The following TRAPPC9 variants were observed in gnomAD, a reference collection of about 807,000 sequenced individuals.
The protein encoded by TRAPPC9 is trafficking protein particle complex subunit 9, also known as IKK2 binding protein.
TRAPPC9 carries 83 observed loss-of-function variants against 124.0 expected under a neutral mutation model. The observed-to-expected ratio is 0.67, with a 90% CI of 0.56 to 0.80. The LOEUF is 0.80. Among genes scored for constraint, TRAPPC9 ranks in the 30% least tolerant of loss-of-function variants. TRAPPC9 has a pLI of 0.00. For synonymous variants in TRAPPC9, 638 were observed against 617.5 expected (o/e 1.03, Z -0.49); for missense variants, 1,302 against 1,508.3 (o/e 0.86, Z 2.27).
chr8:140,057,648 G>A (rs937309213), intron 17 of TRAPPC9, among the ~76,000 whole-genome samples: 2 of 152,208 alleles, frequency 1.3e-5, no homozygotes, highest in Admixed American at 6.5e-5. Flanking sequence ...CATAGATGCA[G>A]GAAGTCACAT....
intron 9 of TRAPPC9, among the ~76,000 whole-genome samples, chr8:140,326,622 TC>T (rs931217084): frequency 5.3e-5 from 8 of 152,196 alleles, no homozygotes; most frequent in African/African-American, 1.9e-4. Flanking sequence ...ACGCCTGTAA[TC>T]CCTGCACTTT....
At chr8:140,170,909 C>T (rs1183454939) in intron 17 of TRAPPC9, among the ~76,000 whole-genome samples, 2 of 152,172 alleles carry the variant, frequency 1.3e-5, no homozygotes, top group Non-Finnish European at 2.9e-5. Flanking sequence ...GTGACTGGGT[C>T]GTGAAGAGGT....
chr8:140,038,944 C>A (rs762174529), intron 17 of TRAPPC9, among the ~76,000 whole-genome samples: 12 of 152,186 alleles, frequency 7.9e-5, no homozygotes, highest in Admixed American at 2.0e-4. Context: ...CACCCTCGTA[C>A]CTGGAACTCA....
At chr8:139,756,454 G>A (rs144891517) in intron 21 of TRAPPC9, among the ~76,000 whole-genome samples, 2,830 of 84,570 alleles carry the variant, frequency 0.033, no homozygotes, top group Non-Finnish European at 0.05. Flanking sequence ...ACAGCAGGTC[G>A]CAGAAGGAGC....
intron 15 of TRAPPC9, among the ~76,000 whole-genome samples, chr8:140,270,675 G>A (rs1421313989): frequency 6.6e-6 from 1 of 152,204 alleles, no homozygotes; most frequent in African/African-American, 2.4e-5. Context: ...AGCCAAGCCA[G>A]AGCCCAGAGG....
chr8:139,733,595 T>C (rs1479446749), intron 21 of TRAPPC9, among the ~76,000 whole-genome samples: 1 of 152,168 alleles, frequency 6.6e-6, no homozygotes, highest in Non-Finnish European at 1.5e-5. Context: ...CTGAGCCCCA[T>C]GGTCTGCCGT....
Position 140,145,719 on chromosome 8 carries a change from G to GT in TRAPPC9, c.2556+75739dup, listed in dbSNP as rs201237776. On this transcript the variant is annotated intron_variant, in intron 17 of 22. Transcript: ENST00000438773. Reference sequence around the variant, plus strand: ...TTGGGGGGTTTTTGTTTTTGTTTTTGTTTTTTTTTAGTATGCTAAAATCCT... The same window carrying GT: ...TTGGGGGGTTTTTGTTTTTGTTTTTGTTTTTTTTTTAGTATGCTAAAATCCT... Among the ~76,000 whole-genome samples, 876 of 149,748 alleles carry GT rather than the reference G, an allele frequency of 5.8e-3. 6 individuals are homozygous for GT. Among genetic ancestry groups the GT allele is most frequent in the Middle Eastern group, 0.018 (5 of 284 alleles).
chr8:139,754,211 C>G (rs943125313), intron 21 of TRAPPC9, among the ~76,000 whole-genome samples: 1 of 152,250 alleles, frequency 6.6e-6, no homozygotes, highest in African/African-American at 2.4e-5. Context: ...TCTCCAGACC[C>G]TGCTTTCCTT....
chr8:140,145,599 C>T (rs1281664477), intron 17 of TRAPPC9, among the ~76,000 whole-genome samples: 1 of 152,174 alleles, frequency 6.6e-6, no homozygotes, highest in East Asian at 1.9e-4. Context: ...GCTGTAGAAC[C>T]ATCTTTGCAC....
rs924705210 is a variant in TRAPPC9 at position 140,182,046 on chromosome 8, C to G, written c.2556+39413G>C. 1.3e-5 allele frequency among the ~76,000 whole-genome samples: 2 copies of G among 152,138 alleles called. No homozygotes were observed. Among genetic ancestry groups the G allele is most frequent in the Non-Finnish European group, 2.9e-5 (2 of 68,038 alleles). Reference sequence around the variant, plus strand: ...AGGGAAGCCCTTCATGACTCAGTACCAGGGAGCTGCAGCCTGAACTCCCTT... The same window carrying G: ...AGGGAAGCCCTTCATGACTCAGTACGAGGGAGCTGCAGCCTGAACTCCCTT... On this transcript the variant is annotated intron_variant, in intron 17 of 22. Coordinates refer to ENST00000438773, the MANE Select transcript of TRAPPC9 (RefSeq NM_001160372.4). This position sits in a 1 kb window ranked among gnomAD's most constrained non-coding sequence, Gnocchi z 4.0.
At chr8:139,997,255 A>C (rs1036422440) in intron 18 of TRAPPC9, among the ~76,000 whole-genome samples, 3 of 152,022 alleles carry the variant, frequency 2.0e-5, no homozygotes, top group Admixed American at 6.5e-5. Flanking sequence ...AGGGGAGACA[A>C]TGCAACCCTC....
intron 14 of TRAPPC9, among the ~76,000 whole-genome samples, chr8:140,278,665 G>A (rs2065203636): frequency 6.6e-6 from 1 of 152,140 alleles, no homozygotes; most frequent in Non-Finnish European, 1.5e-5. Flanking sequence ...GAGAGGGCCG[G>A]ACAACGCAAT....
intron 17 of TRAPPC9, among the ~76,000 whole-genome samples, chr8:140,192,432 A>G (rs893646785): frequency 6.6e-6 from 1 of 152,216 alleles, no homozygotes; most frequent in Non-Finnish European, 1.5e-5. Flanking sequence ...AACAGGCCCA[A>G]TCGTCCACAG....
intron 21 of TRAPPC9, among the ~76,000 whole-genome samples, chr8:139,798,907 T>C (rs1180911890): frequency 6.6e-6 from 1 of 152,224 alleles, no homozygotes; most frequent in Non-Finnish European, 1.5e-5. Flanking sequence ...GTACTTTTTC[T>C]GGCGGAGATT....
chr8:140,335,149 A>G (rs1339044072), intron 9 of TRAPPC9, among the ~76,000 whole-genome samples: 1 of 152,182 alleles, frequency 6.6e-6, no homozygotes, highest in Non-Finnish European at 1.5e-5. Flanking sequence ...GACAAAGGGT[A>G]GACACTGCAG....
intron 9 of TRAPPC9, among the ~76,000 whole-genome samples, chr8:140,337,773 G>A (rs551622132): frequency 5.3e-5 from 8 of 152,278 alleles, no homozygotes; most frequent in Admixed American, 5.2e-4. Flanking sequence ...AGGCTTAGGA[G>A]GGCAGTTAAT....
intron 18 of TRAPPC9, among the ~76,000 whole-genome samples, chr8:140,016,621 C>CA (rs1174667079): frequency 3.4e-4 from 52 of 152,290 alleles, no homozygotes; most frequent in African/African-American, 1.2e-3. Context: ...TTGCATGTAC[C>CA]AGCAGTTTCT....
intron 19 of TRAPPC9, among the ~76,000 whole-genome samples, 176 bp from the exon 20 acceptor site, chr8:139,910,476 C>T (rs557965869): frequency 6.6e-6 from 1 of 152,186 alleles, no homozygotes; most frequent in Non-Finnish European, 1.5e-5. Context: ...GCCCTGACTT[C>T]AGAGCTGGTT....
intron 19 of TRAPPC9, among the ~76,000 whole-genome samples, chr8:139,953,083 G>A (rs1459449649): frequency 6.6e-6 from 1 of 152,220 alleles, no homozygotes; most frequent in East Asian, 1.9e-4. Context: ...CAGAGGACAC[G>A]ATGGAATAAT....
Sources: gnomAD v4.1 joint callset for allele counts (sites outside exome capture counted in the v4.1 genomes callset) on GRCh38, gnomAD v4.1.1 for gene constraint, Gnocchi (gnomAD v3.1) non-coding constraint, MANE v1.5 for transcripts, NCBI Gene and HGNC (gene_info 2026-07-23, HGNC 2026-07-21) for gene names.